Variants in RUBCN observed in about 807,000 individuals in gnomAD.
RUBCN encodes the protein rubicon autophagy regulator, also known as run domain Beclin-1-interacting and cysteine-rich domain-containing protein.
Under a neutral mutation model 113.2 loss-of-function variants are expected in RUBCN, and 74 were observed. That is an observed-to-expected ratio of 0.65 (90% CI 0.54 to 0.79). The LOEUF (loss-of-function observed/expected upper bound fraction) is 0.79, where lower values mean the gene tolerates loss of function less well. RUBCN is among the 30% of genes least tolerant of loss of function. The pLI, the probability that RUBCN is intolerant of heterozygous loss-of-function variation, is 0.00. For missense variants in RUBCN, 1,109 were observed against 1,251.7 expected, an observed-to-expected ratio of 0.89 and a Z score of 1.72; for synonymous variants, 480 against 490.0, an observed-to-expected ratio of 0.98 and a Z score of 0.27.
chr3:197,677,385 C>T (rs1394033307), intron 17 of RUBCN, 95 bp downstream of exon 17: 41 of 1,058,372 alleles, frequency 3.9e-5, no homozygotes, highest in Non-Finnish European at 6.1e-5. Context: ...AATCTCTCTA[C>T]TCTCCTTCGT....
In RUBCN at chr3:197,682,546, G is replaced by A. The variant is rs1721364747; in HGVS notation, c.2050C>T (p.Arg684Trp). Residue 684 changes from arginine (R) to tryptophan (W), a missense_variant, in exon 14 of 20, where the codon CGG (arginine) becomes TGG (tryptophan). Transcript: ENST00000296343. ...DGQHADIYKL[R>W]IRVRGNLEWA... Reference sequence around the variant, plus strand: ...TCCAAGTTGCCACGAACACGAATCCGCAGCTTGTAGATGTCAGCGTGCTGC... The same window carrying A: ...TCCAAGTTGCCACGAACACGAATCCACAGCTTGTAGATGTCAGCGTGCTGC... The A allele has an allele frequency of 2.5e-6, 4 of 1,614,010 alleles. No homozygotes were observed. The highest frequency in any genetic ancestry group is 1.7e-6 in the Non-Finnish European group (2 of 1,180,028).
chr3:197,677,096 G>A, intron 17 of RUBCN, 58 bp from the exon 18 acceptor site: 4 of 1,541,642 alleles, frequency 2.6e-6, no homozygotes, highest in Non-Finnish European at 3.6e-6. Context: ...CCACATCGTA[G>A]TAGAAGGATC....
At chr3:197,726,693 A>G (rs1726799241) in intron 1 of RUBCN, among the ~76,000 whole-genome samples, 1 of 148,288 alleles carries the variant, frequency 6.7e-6, no homozygotes, top group African/African-American at 2.5e-5. Flanking sequence ...GGCACCCACC[A>G]CCAAACCCAG....
chr3:197,693,181 C>CCTA (rs1227266788), intron 11 of RUBCN, among the ~76,000 whole-genome samples: 1 of 152,112 alleles, frequency 6.6e-6, no homozygotes, highest in African/African-American at 2.4e-5. Flanking sequence ...TGCTGATACT[C>CCTA]CTACCACCAC....
At chr3:197,680,496 C>T (rs1394753906) in intron 16 of RUBCN, among the ~76,000 whole-genome samples, 5 of 150,666 alleles carry the variant, frequency 3.3e-5, no homozygotes, top group Admixed American at 1.3e-4. Flanking sequence ...TACGCTCTAA[C>T]TCGACAAGTG....
At chr3:197,700,370 C>G in intron 7 of RUBCN, 1 of 583,436 alleles carries the variant, frequency 1.7e-6, no homozygotes, top group Non-Finnish European at 3.0e-6. Flanking sequence ...CTGATGTTAC[C>G]AAACTAGTAA....
At chr3:197,696,902 G>A in intron 8 of RUBCN, 52 bp downstream of exon 8, 1 of 967,460 alleles carries the variant, frequency 1.0e-6, no homozygotes, top group Non-Finnish European at 1.7e-6. Context: ...GCAGGCACAA[G>A]GGGTGAGCAG....
At chr3:197,678,373 A>G (rs2108838429) in intron 16 of RUBCN, among the ~76,000 whole-genome samples, 2 of 147,514 alleles carry the variant, frequency 1.4e-5, no homozygotes, top group East Asian at 4.1e-4. Context: ...CTGGCTTCAG[A>G]CTGTCCTACA....
upstream of RUBCN, among the ~76,000 whole-genome samples, chr3:197,738,728 GTGCC>G (rs1456376709): frequency 6.6e-6 from 1 of 151,830 alleles, no homozygotes; most frequent in Non-Finnish European, 1.5e-5. Context: ...ACCACAGGCA[GTGCC>G]ACTATGCCCA....
chr3:197,723,371 A>T (rs1726379230), intron 1 of RUBCN, among the ~76,000 whole-genome samples: 1 of 152,028 alleles, frequency 6.6e-6, no homozygotes, highest in African/African-American at 2.4e-5. Context: ...TTTTTAGTAG[A>T]GACGGGGTTT....
At chr3:197,680,983 A>C in intron 16 of RUBCN, 146 bp downstream of exon 16, 1 of 581,582 alleles carries the variant, frequency 1.7e-6, no homozygotes, top group Non-Finnish European at 3.1e-6. Flanking sequence ...TAACCAGGGG[A>C]GGGGACAAGG....
At chr3:197,741,285 T>C (rs1000089038), upstream of RUBCN, among the ~76,000 whole-genome samples, 8 of 152,218 alleles carry the variant, frequency 5.3e-5, no homozygotes, top group Non-Finnish European at 1.2e-4. Flanking sequence ...GTTTTCCCCA[T>C]AGGTAGCATT....
intron 5 of RUBCN, among the ~76,000 whole-genome samples, chr3:197,703,013 C>A (rs989015176): frequency 1.3e-5 from 2 of 152,098 alleles, no homozygotes; most frequent in African/African-American, 4.8e-5. Flanking sequence ...TACCTCCCCA[C>A]TCCCCAGCTT....
chr3:197,705,754 A>G (rs1260443567), intron 2 of RUBCN, among the ~76,000 whole-genome samples: 2 of 152,090 alleles, frequency 1.3e-5, no homozygotes, highest in Non-Finnish European at 2.9e-5. Flanking sequence ...TGTTTGAGAC[A>G]GAGTCACTCT....
intron 1 of RUBCN, among the ~76,000 whole-genome samples, chr3:197,747,310 T>C (rs1287884861): frequency 6.6e-6 from 1 of 151,968 alleles, no homozygotes. Context: ...TTTAATCAAA[T>C]ACTGCAGCAT....
intron 1 of RUBCN, among the ~76,000 whole-genome samples, chr3:197,747,378 A>G (rs1728791672): frequency 6.6e-6 from 1 of 151,104 alleles, no homozygotes; most frequent in Non-Finnish European, 1.5e-5. Flanking sequence ...GAAGATCAGG[A>G]TAAAAGAGAA....
In RUBCN at chr3:197,701,786, G is replaced by A. The variant is rs1455036064; in HGVS notation, c.649C>T (p.Pro217Ser). ...LTALPSSTYT[P>S]PNSYAQHSYF... ...GAATGCTGAGCATAGCTGTTTGGAG[G>A]GGTGTATGTGGAACTGGGCAGGGCT... is the stretch of plus-strand genomic sequence containing the variant. The change falls in exon 6 of 20, where the codon CCT becomes TCT. Residue 217 changes from proline to serine, a missense_variant. By Grantham distance (74) the Pro-to-Ser change is moderately conservative. This residue lies in a region of RUBCN where 736 missense variants were observed against 779.6 expected (regional missense o/e 0.94). Transcript: ENST00000296343. 1 of 1,614,066 alleles carries A rather than the reference G, an allele frequency of 6.2e-7. No homozygotes were observed.
intron 1 of RUBCN, among the ~76,000 whole-genome samples, chr3:197,723,675 T>A (rs1726417714): frequency 2.6e-5 from 4 of 152,248 alleles, no homozygotes. Context: ...TTTATCCTAA[T>A]GATATAATTA....
chr3:197,678,580 A>T lies in RUBCN; in HGVS notation c.2431-1039T>A, dbSNP rs868774020. On this transcript the variant is annotated intron_variant, in intron 16 of 19. Transcript: ENST00000296343. The stretch of plus-strand genomic sequence containing the variant: ...GACAACTGGCTTCAGACTGTCCTAC[A>T]CTCTGACAACTGGCTCCAGACTGTC... Among the ~76,000 whole-genome samples the T allele has an allele frequency of 2.1e-3, 214 of 101,810 alleles. 1 individual carries two copies. The highest frequency in any genetic ancestry group is 7.7e-3 in the African/African-American group (197 of 25,462). 66.8% of individuals were successfully genotyped at this position (101,810 alleles called of 152,430 possible).
Sources: allele counts gnomAD v4.1 joint callset (sites outside exome capture counted in the v4.1 genomes callset), GRCh38; gene constraint gnomAD v4.1.1; regional missense constraint gnomAD v4.1.1; transcripts MANE v1.5; gene names NCBI Gene and HGNC (gene_info 2026-07-23, HGNC 2026-07-21).